Variants in EVI5 observed in about 807,000 individuals in gnomAD.
The protein encoded by EVI5 is ecotropic viral integration site 5.
In EVI5, 73 loss-of-function variants were observed where a neutral mutation model predicts 112.0. The observed-to-expected ratio is 0.65, with a 90% CI of 0.54 to 0.79. The LOEUF is 0.79. Among genes scored for constraint, EVI5 ranks in the 30% least tolerant of loss-of-function variants. EVI5 has a pLI of 0.00. For missense variants in EVI5, 900 were observed against 968.8 expected, an observed-to-expected ratio of 0.93 and a Z score of 0.94; for synonymous variants, 305 against 319.9, an observed-to-expected ratio of 0.95 and a Z score of 0.50.
At chr1:92,538,968 T>C (rs181947226) in intron 19 of EVI5, among the ~76,000 whole-genome samples, 146 of 152,286 alleles carry the variant, frequency 9.6e-4, no homozygotes, top group African/African-American at 3.4e-3. Context: ...GTTAAAGAAT[T>C]AGAACTTATC....
At chr1:92,529,916 TTTCATAAATA>T (rs1406595917) in intron 19 of EVI5, among the ~76,000 whole-genome samples, 1 of 152,240 alleles carries the variant, frequency 6.6e-6, no homozygotes, top group Non-Finnish European at 1.5e-5. Context: ...TCATAAATAC[TTTCATAAATA>T]TTGTACTTAT....
chr1:92,635,410 T>C (rs1006148428), intron 14 of EVI5, among the ~76,000 whole-genome samples: 1 of 152,192 alleles, frequency 6.6e-6, no homozygotes, highest in African/African-American at 2.4e-5. Context: ...CGCTGCCGCC[T>C]TGCAGTTTGA....
chr1:92,722,656 A>C (rs1486004528), intron 2 of EVI5, among the ~76,000 whole-genome samples: 1 of 152,104 alleles, frequency 6.6e-6, no homozygotes, highest in Non-Finnish European at 1.5e-5. Context: ...CTATTTGCTC[A>C]TAACAGCCCT....
chr1:92,539,605 A>T (rs1232628167), intron 19 of EVI5, among the ~76,000 whole-genome samples: 1 of 151,942 alleles, frequency 6.6e-6, no homozygotes, highest in Non-Finnish European at 1.5e-5. Context: ...CTATGTTTAT[A>T]CATAAAATAT....
At chr1:92,717,316 C>T (rs148914559) in intron 2 of EVI5, among the ~76,000 whole-genome samples, 3,936 of 152,222 alleles carry the variant, frequency 0.026, 128 homozygotes, top group African/African-American at 0.074. Flanking sequence ...TACCCACAAA[C>T]GGAAGCCCAT....
Position 92,634,324 on chromosome 1 carries a change from C to T in EVI5, c.1527+1878G>A, listed in dbSNP as rs568280996. ...GTCACTTTCAGGTACACCAATCAGA[C>T]GTAGATTTGGTCTTTTCACATAGTC... On this transcript the variant is annotated intron_variant, in intron 14 of 19. Transcript: ENST00000684568. Among the ~76,000 whole-genome samples the T allele has an allele frequency of 7.4e-4, 112 of 152,284 alleles. 1 individual carries two copies. The highest frequency in any genetic ancestry group is 2.7e-3 in the South Asian group (13 of 4,824).
At position 92,671,804 on chromosome 1, in the gene EVI5, C is replaced by CTTTT. The variant is rs543142314; in HGVS notation, c.1158+5350_1158+5353dup. On this transcript the variant is annotated intron_variant, in intron 10 of 19. Coordinates refer to ENST00000684568, the MANE Select transcript of EVI5 (RefSeq NM_001350197.2). ...TTACCTCAGTCCAAGCCACCATCAT[C>CTTTT]TTTTTTTTTTTTTTTTAAGACAGGA... 9.3e-4 allele frequency among the ~76,000 whole-genome samples: 132 copies of CTTTT among 141,728 alleles called. 1 individual carries two copies. Among genetic ancestry groups the CTTTT allele is most frequent in the Non-Finnish European group, 1.8e-3 (121 of 65,672 alleles). The allele number at this position is 141,728 out of a possible 152,430, so 93.0% of individuals were successfully genotyped here.
rs1553182549 is a variant in EVI5, at chr1:92,561,660, T to TCTATCTAA, written c.2166+1981_2166+1982insTTAGATAG. 3.2e-5 allele frequency among the ~76,000 whole-genome samples: 4 copies of TCTATCTAA among 124,892 alleles called. No homozygotes were observed. The Admixed American group carries it at 3.2e-4, about 10-fold the overall frequency. 81.9% of individuals were successfully genotyped at this position (124,892 alleles called of 152,430 possible). ...ATCTATCTATCTATCTATCTATCTA[T>TCTATCTAA]CTATCAGAGTCTCACTCTGCTGCCT... On this transcript the variant is annotated intron_variant, in intron 19 of 19. Transcript: ENST00000684568.
intron 18 of EVI5, among the ~76,000 whole-genome samples, chr1:92,603,074 G>A (rs1307157024): frequency 6.6e-6 from 1 of 152,122 alleles, no homozygotes; most frequent in Non-Finnish European, 1.5e-5. Context: ...ATATATAAAT[G>A]CGAAATAAGC....
At chr1:92,625,750 G>A (rs1356290262) in intron 15 of EVI5, 44 bp downstream of exon 15, 3 of 1,580,798 alleles carry the variant, frequency 1.9e-6, no homozygotes, top group South Asian at 2.2e-5. Flanking sequence ...GGATATTTCG[G>A]TTTTACTCTC....
At chr1:92,745,210 G>A (rs1679086945) in intron 1 of EVI5, among the ~76,000 whole-genome samples, 1 of 151,378 alleles carries the variant, frequency 6.6e-6, no homozygotes, top group Non-Finnish European at 1.5e-5. Flanking sequence ...AAAGTGCTGA[G>A]ATGACAGGCG....
chr1:92,721,317 C>T (rs1674715797), intron 2 of EVI5, among the ~76,000 whole-genome samples: 1 of 152,118 alleles, frequency 6.6e-6, no homozygotes. Context: ...GAAAATGTGG[C>T]ACATATATAC....
intron 10 of EVI5, among the ~76,000 whole-genome samples, chr1:92,669,289 T>C (rs1162469613): frequency 2.0e-5 from 3 of 152,120 alleles, no homozygotes; most frequent in African/African-American, 7.2e-5. Context: ...GGTTTACAGC[T>C]GTAATCCCAG....
chr1:92,779,240 A>G (rs1684550652), intron 1 of EVI5, among the ~76,000 whole-genome samples: 1 of 152,102 alleles, frequency 6.6e-6, no homozygotes, highest in Non-Finnish European at 1.5e-5. Context: ...AAGAAGGTCT[A>G]GGCCAGGTGC....
At chr1:92,635,346 C>T (rs537559252) in intron 14 of EVI5, among the ~76,000 whole-genome samples, 7 of 152,306 alleles carry the variant, frequency 4.6e-5, no homozygotes, top group Non-Finnish European at 8.8e-5. Flanking sequence ...GCTTCCTGGC[C>T]GCGTTGTTTA....
rs956226590 is a variant in EVI5, at chr1:92,785,079, G to A, written c.-325C>T. The A allele has an allele frequency of 1.0e-6, 1 of 985,338 alleles. No individual in the cohort carries two copies. The highest frequency in any genetic ancestry group is 1.2e-6 in the Non-Finnish European group (1 of 830,020). The allele number at this position is 985,338 out of a possible 1,614,324, so 61.0% of individuals were successfully genotyped here. On this transcript the variant is annotated 5_prime_UTR_variant, in exon 1 of 20. Coordinates refer to ENST00000684568, the MANE Select transcript of EVI5 (RefSeq NM_001350197.2). ...GCCAGCTGGCCAGCTGGTTCCTCCG[G>A]GGTCCGGCCCGGCCGCGTCAGGAGA...
At chr1:92,516,070 A>G (rs1659819230) in intron 19 of EVI5, among the ~76,000 whole-genome samples, 1 of 152,196 alleles carries the variant, frequency 6.6e-6, no homozygotes. Context: ...AGGTTATGAT[A>G]CCCACTGCAT....
chr1:92,668,083 A>G (rs1245832266), intron 10 of EVI5, among the ~76,000 whole-genome samples: 3 of 152,238 alleles, frequency 2.0e-5, no homozygotes, highest in Admixed American at 1.3e-4. Context: ...ATGGCTTTAT[A>G]TAACATATAA....
At chr1:92,614,809 T>C (rs1291255035) in intron 16 of EVI5, among the ~76,000 whole-genome samples, 2 of 145,840 alleles carry the variant, frequency 1.4e-5, no homozygotes, top group Admixed American at 7.0e-5. Context: ...ATGTGTATTA[T>C]ATATAATATA....
Sources: allele counts gnomAD v4.1 joint callset (sites outside exome capture counted in the v4.1 genomes callset), GRCh38; gene constraint gnomAD v4.1.1; transcripts MANE v1.5; gene names NCBI Gene and HGNC (gene_info 2026-07-23, HGNC 2026-07-21).